Variants in WDPCP observed in about 807,000 individuals in gnomAD.
WDPCP encodes WD repeat containing planar cell polarity effector.
A neutral mutation model predicts 93.1 loss-of-function variants in WDPCP; 71 were observed. That is an observed-to-expected ratio of 0.76 (90% confidence interval 0.63 to 0.93). The LOEUF is 0.93. Among genes scored for constraint, WDPCP ranks in the 40% least tolerant of loss-of-function variants. The pLI, the probability that WDPCP is intolerant of heterozygous loss-of-function variation, is 0.00. For synonymous variants in WDPCP, 315 were observed against 315.0 expected, an observed-to-expected ratio of 1.00 and a Z score of 0.00; for missense variants, 844 against 887.4, an observed-to-expected ratio of 0.95 and a Z score of 0.62.
At chr2:63,664,014 T>C (rs1308330934) in intron 2 of WDPCP, among the ~76,000 whole-genome samples, 1 of 151,952 alleles carries the variant, frequency 6.6e-6, no homozygotes, top group Non-Finnish European at 1.5e-5. Flanking sequence ...ATTGAGAAAA[T>C]ACAGTTTAGG....
chr2:63,135,981 C>G (rs1670590413), intron 17 of WDPCP, among the ~76,000 whole-genome samples: 1 of 152,152 alleles, frequency 6.6e-6, no homozygotes, highest in Admixed American at 6.5e-5. Context: ...AATCCTTCCA[C>G]CTTGGCCTCC....
intron 10 of WDPCP, among the ~76,000 whole-genome samples, chr2:63,387,390 G>A (rs577819614): frequency 6.6e-5 from 10 of 151,620 alleles, no homozygotes; most frequent in South Asian, 2.1e-4. Context: ...CCACACAATC[G>A]TCTCAATAGA....
At chr2:63,588,100 T>G (rs1271421360) in intron 1 of WDPCP, 97 bp downstream of exon 1, 1 of 1,427,354 alleles carries the variant, frequency 7.0e-7, no homozygotes, top group Non-Finnish European at 9.7e-7. Flanking sequence ...CTTGCAGGCA[T>G]CCGCACAGCG....
chr2:63,176,650 C>G (rs149061423), intron 14 of WDPCP, among the ~76,000 whole-genome samples: 9 of 152,266 alleles, frequency 5.9e-5, no homozygotes, highest in Non-Finnish European at 1.3e-4. Flanking sequence ...GATATTAATG[C>G]TTTGTCAGAT....
At chr2:63,509,328 T>A (rs1044557546) in intron 1 of WDPCP, among the ~76,000 whole-genome samples, 1 of 152,212 alleles carries the variant, frequency 6.6e-6, no homozygotes, top group Non-Finnish European at 1.5e-5. Flanking sequence ...TGCTCCTGAA[T>A]GTCTACTGGG....
intron 14 of WDPCP, among the ~76,000 whole-genome samples, chr2:63,195,617 C>T (rs1229395412): frequency 1.3e-5 from 2 of 151,908 alleles, no homozygotes; most frequent in Non-Finnish European, 2.9e-5. Context: ...CATGCCAGGA[C>T]AGACATAGAT....
intron 2 of WDPCP, among the ~76,000 whole-genome samples, chr2:63,706,604 T>TC (rs1227450330): frequency 1.6e-5 from 2 of 128,446 alleles, no homozygotes; most frequent in East Asian, 2.1e-4. Context: ...TCTTTTCTTT[T>TC]TTTTTTTTTT....
At chr2:63,834,547 C>T in the WDPCP span, among the ~76,000 whole-genome samples, 2 of 152,188 alleles carry the variant, frequency 1.3e-5, no homozygotes, top group African/African-American at 4.8e-5. Flanking sequence ...TCTTTCAGGC[C>T]TGGGGCACGC....
chr2:63,813,420 T>C (rs1262098763), intron 2 of WDPCP, among the ~76,000 whole-genome samples: 4 of 152,182 alleles, frequency 2.6e-5, no homozygotes, highest in Non-Finnish European at 4.4e-5. Flanking sequence ...CTAGTTCTGA[T>C]CTGGAAAAAC....
chr2:63,668,811 C>T (rs1238326759), intron 2 of WDPCP, among the ~76,000 whole-genome samples: 1 of 152,160 alleles, frequency 6.6e-6, no homozygotes, highest in Non-Finnish European at 1.5e-5. Flanking sequence ...AGGTTTATAT[C>T]TTTTCTTATT....
Position 63,313,257 on chromosome 2 carries a change from G to GT in WDPCP, c.1802dup (p.Asp601GlufsTer13). ...TCTGAAAATGACTCACCATAAAGAG[G>GT]TCACGAGCACCAACGTCAACAGCTA... On this transcript the variant is annotated frameshift_variant, in exon 13 of 18. Coordinates refer to ENST00000272321, the MANE Select transcript of WDPCP (RefSeq NM_015910.7). LOFTEE classifies it high-confidence loss of function. 2 of 1,613,558 alleles carry GT rather than the reference G, an allele frequency of 1.2e-6. No homozygotes were observed. Among genetic ancestry groups the GT allele is most frequent in the South Asian group, 2.2e-5 (2 of 91,058 alleles).
intron 2 of WDPCP, among the ~76,000 whole-genome samples, chr2:63,705,721 G>GTGGTCAA (rs1669139796): frequency 6.8e-6 from 1 of 147,946 alleles, no homozygotes; most frequent in Non-Finnish European, 1.5e-5. Context: ...TTCCAACTAT[G>GTGGTCAA]TGGTCAATTT....
At chr2:63,142,265 G>A (rs1381215242) in intron 17 of WDPCP, among the ~76,000 whole-genome samples, 1 of 152,080 alleles carries the variant, frequency 6.6e-6, no homozygotes, top group Non-Finnish European at 1.5e-5. Flanking sequence ...TTTGATGTAG[G>A]TGCTTAGGGC....
intron 2 of WDPCP, among the ~76,000 whole-genome samples, chr2:63,788,001 A>T (rs1048730932): frequency 6.6e-6 from 1 of 152,182 alleles, no homozygotes; most frequent in African/African-American, 2.4e-5. Context: ...ATCATGTGCC[A>T]CTGCACTCTA....
chr2:63,732,853 A>T (rs938193779), intron 2 of WDPCP, among the ~76,000 whole-genome samples: 1 of 152,200 alleles, frequency 6.6e-6, no homozygotes, highest in African/African-American at 2.4e-5. Context: ...ATGAAGAGTA[A>T]ATCATTGAAA....
intron 2 of WDPCP, among the ~76,000 whole-genome samples, chr2:63,776,966 G>A (rs1482256964): frequency 6.6e-6 from 1 of 152,138 alleles, no homozygotes; most frequent in Non-Finnish European, 1.5e-5. Context: ...CAAAGTTACC[G>A]TTAGAAAGAC....
chr2:63,135,933 T>C (rs1267373886), intron 17 of WDPCP, among the ~76,000 whole-genome samples: 1 of 152,132 alleles, frequency 6.6e-6, no homozygotes, highest in African/African-American at 2.4e-5. Context: ...GGGGTCCTGC[T>C]ATGTTGCCCA....
chr2:63,775,351 T>C (rs1002654547), intron 2 of WDPCP, among the ~76,000 whole-genome samples: 1 of 152,242 alleles, frequency 6.6e-6, no homozygotes, highest in Non-Finnish European at 1.5e-5. Flanking sequence ...GGTCAGCCCA[T>C]ACTGAACATT....
rs901309238 is a variant in WDPCP, at chr2:63,568,252, A to T, written c.75+19945T>A. ...ATCTAGTTCAACTACTATGCCTTCT[A>T]GAATAAAAGGAAACAAGTTTAAGAG... On this transcript the variant is annotated intron_variant, in intron 1 of 17. Coordinates refer to ENST00000272321, the MANE Select transcript of WDPCP (RefSeq NM_015910.7). Among the ~76,000 whole-genome samples the T allele has an allele frequency of 2.6e-5, 4 of 152,120 alleles. No homozygotes were observed. The South Asian group carries it at 8.3e-4, about 31-fold the overall frequency.
Sources: gnomAD v4.1 joint callset for allele counts (sites outside exome capture counted in the v4.1 genomes callset) on GRCh38, gnomAD v4.1.1 for gene constraint, MANE v1.5 for transcripts, NCBI Gene and HGNC (gene_info 2026-07-23, HGNC 2026-07-21) for gene names.